MAL2: variants seen among roughly 807,000 people sequenced by gnomAD.
MAL2 encodes protein MAL2.
A neutral mutation model predicts 18.1 loss-of-function variants in MAL2; 17 were observed. The ratio of observed to expected loss-of-function variants is 0.94; its 90% CI spans 0.64 to 1.41. The LOEUF is 1.41. Ranked by LOEUF, MAL2 falls within the 40% of genes most tolerant of loss-of-function variation. The pLI is 0.00. For missense variants in MAL2, 222 were observed against 231.9 expected (o/e 0.96, Z 0.28); for synonymous variants, 102 against 102.3 (o/e 1.00, Z 0.02).
At chr8:119,220,808 C>T (rs1817450465) in intron 1 of MAL2, among the ~76,000 whole-genome samples, 1 of 152,152 alleles carries the variant, frequency 6.6e-6, no homozygotes, top group South Asian at 2.1e-4. Flanking sequence ...CTGTGTGGAC[C>T]TGCAGTGCCC....
chr8:119,210,076 C>T (rs1257449685), intron 1 of MAL2, among the ~76,000 whole-genome samples: 1 of 152,166 alleles, frequency 6.6e-6, no homozygotes, highest in Non-Finnish European at 1.5e-5. Flanking sequence ...ATCCGCATTC[C>T]ACCTGTACTA....
chr8:119,228,132 C>T (rs1319616783), intron 2 of MAL2, among the ~76,000 whole-genome samples: 2 of 152,194 alleles, frequency 1.3e-5, no homozygotes, highest in Admixed American at 1.3e-4. Context: ...TACTGCCATC[C>T]TGACTTCCAG....
intron 2 of MAL2, chr8:119,223,265 TAAG>T (rs1279582283): frequency 1.3e-5 from 2 of 152,214 alleles, no homozygotes; most frequent in African/African-American, 4.8e-5. Flanking sequence ...AGTATAAAGC[TAAG>T]AAGGAAGTGG....
chr8:119,223,802 CTTTT>C (rs373097239), intron 2 of MAL2: 6 of 151,678 alleles, frequency 4.0e-5, no homozygotes, highest in South Asian at 2.1e-4. Flanking sequence ...GTGTGTGGGT[CTTTT>C]TTTTATTATT....
chr8:119,211,936 C>G (rs1472556208), intron 1 of MAL2, among the ~76,000 whole-genome samples: 1 of 152,158 alleles, frequency 6.6e-6, no homozygotes, highest in Non-Finnish European at 1.5e-5. Context: ...AAAAATCACT[C>G]ATCGGGTATT....
intron 2 of MAL2, among the ~76,000 whole-genome samples, chr8:119,230,372 C>A (rs1477625568): frequency 2.0e-5 from 3 of 151,594 alleles, no homozygotes; most frequent in Admixed American, 1.3e-4. Flanking sequence ...GACAGGAAAG[C>A]CTTGAAACCA....
chr8:119,243,585 C>G lies in MAL2; in HGVS notation c.*97C>G. Reference sequence around the variant, plus strand: ...CATTTTGTCCAGATGCAAAAACATTCCAAAAGTAATGTGTTTAGTAGAGAG... The same window carrying G: ...CATTTTGTCCAGATGCAAAAACATTGCAAAAGTAATGTGTTTAGTAGAGAG... On this transcript the variant is annotated 3_prime_UTR_variant, in exon 4 of 4. Transcript: ENST00000614891. 1 of 1,071,198 alleles carries G rather than the reference C, an allele frequency of 9.3e-7. No individual in the cohort carries two copies. Among genetic ancestry groups the G allele is most frequent in the Non-Finnish European group, 1.3e-6 (1 of 764,474 alleles). 66.4% of individuals were successfully genotyped at this position (1,071,198 alleles called of 1,614,324 possible).
rs534180277 is a variant in MAL2, at chr8:119,245,325, T to A, written c.*1837T>A. On this transcript the variant is annotated 3_prime_UTR_variant, in exon 4 of 4. Transcript: ENST00000614891. ...TGGAATCGTTTACTCTGCTAGAATT[T>A]AGGTGTGAGATTTTTTGTTTCCCAG... is the stretch of plus-strand genomic sequence containing the variant. 4 of 152,718 alleles carry A rather than the reference T, an allele frequency of 2.6e-5. No individual in the cohort carries two copies. Among genetic ancestry groups the A allele is most frequent in the African/African-American group, 9.6e-5 (4 of 41,574 alleles). 9.5% of individuals were successfully genotyped at this position (152,718 alleles called of 1,614,324 possible).
intron 2 of MAL2, among the ~76,000 whole-genome samples, chr8:119,235,606 G>T (rs903148618): frequency 1.4e-4 from 22 of 151,982 alleles, no homozygotes; most frequent in African/African-American, 5.1e-4. Context: ...TCTCTTGGCA[G>T]AAACCCTACA....
intron 1 of MAL2, among the ~76,000 whole-genome samples, chr8:119,209,819 C>G (rs1213289597): frequency 1.3e-5 from 2 of 152,252 alleles, no homozygotes; most frequent in East Asian, 3.9e-4. Context: ...GTAATGGGAT[C>G]CTGACTGCGA....
At chr8:119,214,661 G>A (rs559808195) in intron 1 of MAL2, among the ~76,000 whole-genome samples, 1 of 152,160 alleles carries the variant, frequency 6.6e-6, no homozygotes, top group Non-Finnish European at 1.5e-5. Flanking sequence ...CCATTTTAGG[G>A]TCGGTGTCAG....
Position 119,208,421 on chromosome 8 carries a change from G to C in MAL2, c.-52G>C. ...CGGCGGCGGCAGGAGCCCGGGAGGC[G>C]GAGGCGGGAGGCGGCGGCGGCGCGC... is the stretch of plus-strand genomic sequence containing the variant. On this transcript the variant is annotated 5_prime_UTR_variant, in exon 1 of 4. Transcript: ENST00000614891. This position sits in a 1 kb window ranked among gnomAD's most constrained non-coding sequence, Gnocchi z 4.3. 9.6e-7 allele frequency: 1 copy of C among 1,046,602 alleles called. No homozygotes were observed. The highest frequency in any genetic ancestry group is 1.2e-6 in the Non-Finnish European group (1 of 855,770). The allele number at this position is 1,046,602 out of a possible 1,614,324, so 64.8% of individuals were successfully genotyped here.
intron 3 of MAL2, 129 bp downstream of exon 3, chr8:119,240,449 A>G: frequency 1.1e-6 from 1 of 940,282 alleles, no homozygotes. Context: ...TGTAATAGCT[A>G]TTTATCTGTA....
At chr8:119,227,619 C>T (rs1369865250) in intron 2 of MAL2, among the ~76,000 whole-genome samples, 1 of 152,106 alleles carries the variant, frequency 6.6e-6, no homozygotes. Context: ...CTACCTGCAC[C>T]CCTCACAGCT....
rs73709678 is a variant in MAL2 at position 119,218,189 on chromosome 8, T to C, written c.133-3398T>C. Among the ~76,000 whole-genome samples, 704 of 152,198 alleles carry C rather than the reference T, an allele frequency of 4.6e-3. 4 individuals carry two copies. The highest frequency in any genetic ancestry group is 0.015 in the African/African-American group (626 of 41,506). On this transcript the variant is annotated intron_variant, in intron 1 of 3. Coordinates refer to ENST00000614891, the MANE Select transcript of MAL2 (RefSeq NM_052886.3). ...ACAGAATCTCAGCTCTAGGGATGTA[T>C]CATATGTATTTACTTGAGTGAGAGA... is the stretch of plus-strand genomic sequence containing the variant.
intron 1 of MAL2, among the ~76,000 whole-genome samples, chr8:119,217,152 G>A (rs980496156): frequency 1.3e-5 from 2 of 152,162 alleles, no homozygotes; most frequent in African/African-American, 4.8e-5. Context: ...CAAACCCTGA[G>A]GATTCAGTTT....
At chr8:119,237,443 C>T (rs546133187) in intron 2 of MAL2, among the ~76,000 whole-genome samples, 1 of 151,618 alleles carries the variant, frequency 6.6e-6, no homozygotes, top group African/African-American at 2.4e-5. Flanking sequence ...TTTTATGAGG[C>T]CAGCATCATT....
chr8:119,242,387 A>C (rs1818064966), intron 3 of MAL2, among the ~76,000 whole-genome samples: 1 of 152,140 alleles, frequency 6.6e-6, no homozygotes, highest in Non-Finnish European at 1.5e-5. Context: ...TCAACATTAC[A>C]TCCCATTTCA....
intron 2 of MAL2, among the ~76,000 whole-genome samples, chr8:119,232,435 A>C (rs911591487): frequency 3.3e-5 from 5 of 152,296 alleles, no homozygotes; most frequent in East Asian, 1.9e-4. Flanking sequence ...GATATGTGGG[A>C]GCTATTAAAA....
Sources: allele counts gnomAD v4.1 joint callset (sites outside exome capture counted in the v4.1 genomes callset), GRCh38; gene constraint gnomAD v4.1.1; non-coding constraint Gnocchi (gnomAD v3.1); transcripts MANE v1.5; gene names NCBI Gene and HGNC (gene_info 2026-07-23, HGNC 2026-07-21).